Variants in SAMSN1 observed in about 807,000 individuals in gnomAD.
SAMSN1 encodes SAM domain, SH3 domain and nuclear localization signals 1, also known as SAM domain-containing protein SAMSN-1.
Under a neutral mutation model 42.0 loss-of-function variants are expected in SAMSN1, and 31 were observed. The observed-to-expected ratio is 0.74, with a 90% CI of 0.55 to 1.00. SAMSN1 has a LOEUF of 1.00. Ranked by LOEUF, SAMSN1 falls within the 50% of genes least tolerant of loss-of-function variation. The pLI is 0.00. For synonymous variants in SAMSN1, 178 were observed against 151.9 expected (o/e 1.17, Z -1.26); for missense variants, 464 against 439.4 (o/e 1.06, Z -0.50).
At chr21:14,658,557 C>T (rs765625269) in intron 1 of SAMSN1, among the ~76,000 whole-genome samples, 1 of 151,890 alleles carries the variant, frequency 6.6e-6, no homozygotes. Flanking sequence ...TAATACTTGT[C>T]TTTGAGTAGA....
intron 2 of SAMSN1, among the ~76,000 whole-genome samples, chr21:14,622,104 C>T (rs1402785298): frequency 1.3e-5 from 2 of 152,182 alleles, no homozygotes; most frequent in African/African-American, 4.8e-5. Context: ...AAAGGACATC[C>T]ACACCAAAAC....
rs140209949 is a variant in SAMSN1, at chr21:14,654,748, G to C, written c.24+4000C>G. 3.9e-5 allele frequency among the ~76,000 whole-genome samples: 6 copies of C among 152,086 alleles called. No individual in the cohort carries two copies. In the East Asian group the frequency reaches 1.2e-3, roughly 29 times the overall value. ...TAGTTCATATATCTGCTTGGAATAAGATCTCTGGACCACCAATGTAAGCCC... is the reference window on the plus strand; with the variant it reads ...TAGTTCATATATCTGCTTGGAATAACATCTCTGGACCACCAATGTAAGCCC... On this transcript the variant is annotated intron_variant, in intron 1 of 15. Coordinates refer to the SAMSN1 transcript ENST00000647101.
chr21:14,628,186 A>G (rs1180756635), intron 2 of SAMSN1, among the ~76,000 whole-genome samples: 1 of 152,208 alleles, frequency 6.6e-6, no homozygotes, highest in African/African-American at 2.4e-5. Flanking sequence ...GTTACAAATT[A>G]TGCTGGATAG....
intron 5 of SAMSN1, among the ~76,000 whole-genome samples, chr21:14,504,676 T>C (rs926666370): frequency 6.6e-6 from 1 of 152,240 alleles, no homozygotes; most frequent in Non-Finnish European, 1.5e-5. Flanking sequence ...TGGGAAAACG[T>C]ATTTGGAGGA....
chr21:14,581,009 T>A (rs1301612402), intron 2 of SAMSN1, among the ~76,000 whole-genome samples: 1 of 152,200 alleles, frequency 6.6e-6, no homozygotes, highest in African/African-American at 2.4e-5. Flanking sequence ...CTTTAGCTTC[T>A]TGACTATTTC....
chr21:14,604,987 A>G (rs981823044), intron 5 of SAMSN1, among the ~76,000 whole-genome samples: 3 of 152,242 alleles, frequency 2.0e-5, no homozygotes, highest in Admixed American at 6.5e-5. Flanking sequence ...GTTTGCCACA[A>G]TAGATTATCA....
In SAMSN1 at chr21:14,554,624, C is replaced by T. The variant is rs115704947; in HGVS notation, c.261+27512G>A. Among the ~76,000 whole-genome samples the T allele has an allele frequency of 6.5e-3, 991 of 151,814 alleles. 13 individuals carry two copies. Among genetic ancestry groups the T allele is most frequent in the African/African-American group, 0.023 (940 of 41,408 alleles). On this transcript the variant is annotated intron_variant, in intron 2 of 8. Transcript: ENST00000285670. ...CTAAAGATCATGGTATGAAAAAACC[C>T]GACTGGAATTTCTATGTAAATGGGT...
chr21:14,513,084 A>G (rs1043701554), intron 3 of SAMSN1, among the ~76,000 whole-genome samples: 3 of 152,264 alleles, frequency 2.0e-5, no homozygotes, highest in African/African-American at 7.2e-5. Flanking sequence ...TTATCTAAAA[A>G]GCTTTACAAA....
chr21:14,600,147 GC>G (rs537342494), intron 6 of SAMSN1, among the ~76,000 whole-genome samples: 119 of 152,232 alleles, frequency 7.8e-4, no homozygotes, highest in Admixed American at 9.8e-4. Context: ...CTGATGGAAG[GC>G]CAAGTTTCAT....
chr21:14,627,661 G>C (rs916588603), intron 2 of SAMSN1, among the ~76,000 whole-genome samples: 3 of 152,138 alleles, frequency 2.0e-5, no homozygotes, highest in Admixed American at 2.0e-4. Flanking sequence ...GATCCCCCTA[G>C]TAGCAGTGAG....
At chr21:14,570,795 TC>T (rs1458844158) in intron 2 of SAMSN1, among the ~76,000 whole-genome samples, 1 of 152,168 alleles carries the variant, frequency 6.6e-6, no homozygotes, top group Non-Finnish European at 1.5e-5. Flanking sequence ...AAATATCAAC[TC>T]AAGCCTCATA....
chr21:14,590,389 C>T (rs1021333583), intron 7 of SAMSN1, among the ~76,000 whole-genome samples: 1 of 152,078 alleles, frequency 6.6e-6, no homozygotes, highest in Non-Finnish European at 1.5e-5. Context: ...GAGGTCCTCC[C>T]ATCTTAGCCT....
At chr21:14,574,033 T>TCTAATGAG (rs1458110742) in intron 2 of SAMSN1, among the ~76,000 whole-genome samples, 2 of 152,206 alleles carry the variant, frequency 1.3e-5, no homozygotes, top group African/African-American at 4.8e-5. Context: ...CATTATATGT[T>TCTAATGAG]CTAATGAGCT....
Position 14,554,212 on chromosome 21 carries a change from G to C in SAMSN1, c.261+27924C>G, listed in dbSNP as rs111771490. 2.1e-3 allele frequency among the ~76,000 whole-genome samples: 321 copies of C among 152,154 alleles called. 3 individuals are homozygous for C. Among genetic ancestry groups the C allele is most frequent in the African/African-American group, 7.2e-3 (301 of 41,522 alleles). ...TTTGGAAAGGCAGTGACATGTAATGGTTATGAGGGTGGACTTTAACCACAC... is the reference window on the plus strand; with the variant it reads ...TTTGGAAAGGCAGTGACATGTAATGCTTATGAGGGTGGACTTTAACCACAC... On this transcript the variant is annotated intron_variant, in intron 2 of 8. Transcript: ENST00000285670.
intron 1 of SAMSN1, among the ~76,000 whole-genome samples, chr21:14,521,669 G>A (rs754617356): frequency 5.9e-5 from 9 of 151,922 alleles, no homozygotes; most frequent in Non-Finnish European, 1.3e-4. Flanking sequence ...CCACCATTAC[G>A]CCTCACAAAG....
chr21:14,504,085 G>T (rs1284238506), intron 5 of SAMSN1, among the ~76,000 whole-genome samples: 1 of 152,090 alleles, frequency 6.6e-6, no homozygotes, highest in Non-Finnish European at 1.5e-5. Context: ...CACCCCATGG[G>T]ACAAAAGAAT....
intron 1 of SAMSN1, among the ~76,000 whole-genome samples, chr21:14,648,029 T>C (rs1320461007): frequency 6.7e-6 from 1 of 149,440 alleles, no homozygotes; most frequent in Non-Finnish European, 1.5e-5. Flanking sequence ...CTATGTTGAA[T>C]AGGAGTGGTG....
chr21:14,512,487 G>A lies in SAMSN1; in HGVS notation c.366C>T (p.Ala122=). The A allele has an allele frequency of 1.2e-6, 2 of 1,613,924 alleles. No homozygotes were observed. The highest frequency in any genetic ancestry group is 1.7e-6 in the Non-Finnish European group (2 of 1,179,866). Reference sequence around the variant, plus strand: ...TGTAGAGACTATCCATGGAGTCACTGGCTTTGAGGGACACCTTCTCTGTGT... The same window carrying A: ...TGTAGAGACTATCCATGGAGTCACTAGCTTTGAGGGACACCTTCTCTGTGT... ...GTHTEKVSLK[A]SDSMDSLYSG... The change falls in exon 4 of 8, where the codon GCC becomes GCT. Residue 122 remains alanine, a synonymous_variant. Coordinates refer to ENST00000400566, the MANE Select transcript of SAMSN1 (RefSeq NM_022136.5).
At chr21:14,573,269 A>G (rs1981358442) in intron 2 of SAMSN1, among the ~76,000 whole-genome samples, 1 of 152,142 alleles carries the variant, frequency 6.6e-6, no homozygotes, top group South Asian at 2.1e-4. Flanking sequence ...AACTTCACCC[A>G]TCCATTTTTT....
Sources: gnomAD v4.1 joint callset for allele counts (sites outside exome capture counted in the v4.1 genomes callset) on GRCh38, gnomAD v4.1.1 for gene constraint, MANE v1.5 for transcripts, NCBI Gene and HGNC (gene_info 2026-07-23, HGNC 2026-07-21) for gene names.